The following SPPL2A variants were observed in gnomAD, a reference collection of about 807,000 sequenced individuals.
SPPL2A encodes the protein signal peptide peptidase-like 2A.
In SPPL2A, 51 loss-of-function variants were observed where a neutral mutation model predicts 63.8. The observed-to-expected ratio is 0.80, with a 90% CI of 0.64 to 1.01. The LOEUF (loss-of-function observed/expected upper bound fraction) is 1.01, where lower values mean the gene tolerates loss of function less well. Among genes scored for constraint, SPPL2A ranks in the 50% least tolerant of loss-of-function variants. The pLI, the probability that SPPL2A is intolerant of heterozygous loss-of-function variation, is 0.00. For missense variants in SPPL2A, 553 were observed against 622.7 expected (o/e 0.89, Z 1.19); for synonymous variants, 188 against 205.8 (o/e 0.91, Z 0.74).
At chr15:50,719,430 G>C (rs926624214) in intron 14 of SPPL2A, among the ~76,000 whole-genome samples, 3 of 151,994 alleles carry the variant, frequency 2.0e-5, no homozygotes, top group African/African-American at 7.2e-5. Context: ...ATTTTTAGTA[G>C]AGACGGGTTT....
At chr15:50,727,997 G>A (rs376298864) in intron 10 of SPPL2A, among the ~76,000 whole-genome samples, 3 of 152,274 alleles carry the variant, frequency 2.0e-5, no homozygotes, top group East Asian at 1.9e-4. Context: ...AAAGAAAGAA[G>A]GCTAAAAGAC....
At chr15:50,736,053 G>C (rs1251634954) in intron 8 of SPPL2A, 48 bp downstream of exon 8, 1 of 1,227,708 alleles carries the variant, frequency 8.1e-7, no homozygotes, top group East Asian at 2.3e-5. Context: ...GGCAAGATAG[G>C]AAACAATTCA....
At chr15:50,724,145 A>T (rs1419219598) in intron 12 of SPPL2A, among the ~76,000 whole-genome samples, 1 of 152,144 alleles carries the variant, frequency 6.6e-6, no homozygotes, top group Non-Finnish European at 1.5e-5. Flanking sequence ...CACTGAGCTA[A>T]CATGTCAACT....
intron 11 of SPPL2A, chr15:50,726,025 A>T (rs953146244): frequency 8.3e-7 from 1 of 1,207,492 alleles, no homozygotes; most frequent in South Asian, 1.3e-5. Context: ...CTTGTCTCAG[A>T]GGGTATGATT....
chr15:50,748,127 TA>T lies in SPPL2A; in HGVS notation c.435del (p.Phe145LeufsTer4). ...TGCTAATTTACCTGGTTCATATCTC[TA>T]AAGTCTTTGTAGCTTATAAATGCAA... ...ILIAFISYKD[F>X]RDMNQTLGDN... On this transcript the variant is annotated frameshift_variant, in exon 4 of 15. Coordinates refer to ENST00000261854, the MANE Select transcript of SPPL2A (RefSeq NM_032802.4). LOFTEE classifies it high-confidence loss of function. 1 of 1,440,360 alleles carries T rather than the reference TA, an allele frequency of 6.9e-7. No homozygotes were observed. The highest frequency in any genetic ancestry group is 9.4e-7 in the Non-Finnish European group (1 of 1,066,796). 89.2% of individuals were successfully genotyped at this position (1,440,360 alleles called of 1,614,324 possible). A position where few individuals can be genotyped will look rare whatever the true frequency, so the allele number is the denominator to read the frequency against.
intron 13 of SPPL2A, 114 bp downstream of exon 13, chr15:50,722,010 C>T (rs2062650888): frequency 1.6e-6 from 1 of 632,842 alleles, no homozygotes; most frequent in Non-Finnish European, 2.8e-6. Flanking sequence ...AGTGCTAGGA[C>T]TCCAGGGGTG....
chr15:50,719,369 C>G (rs1252572706), intron 14 of SPPL2A, among the ~76,000 whole-genome samples: 1 of 152,104 alleles, frequency 6.6e-6, no homozygotes, highest in Admixed American at 6.6e-5. Context: ...CTCAGCCTCC[C>G]AAGTAGCTGG....
At position 50,747,988 on chromosome 15, in the gene SPPL2A, G is replaced by C. The variant is rs193207446; in HGVS notation, c.450+125C>G. The C allele has an allele frequency of 3.8e-3, 1,790 of 474,032 alleles. 4 individuals are homozygous for C. The highest frequency in any genetic ancestry group is 5.6e-3 in the Non-Finnish European group (1,542 of 276,318). 29.4% of individuals were successfully genotyped at this position (474,032 alleles called of 1,614,324 possible). A position where few individuals can be genotyped will look rare whatever the true frequency, so the allele number is the denominator to read the frequency against. On this transcript the variant is annotated intron_variant, in intron 4 of 14. Transcript: ENST00000261854. ...ATGAGTACTTTCCAAACAAAAACTT[G>C]ATAGGCCTTATAGCTTCTTGTTAGC...
chr15:50,754,421 C>G (rs12904353), intron 1 of SPPL2A, among the ~76,000 whole-genome samples: 1 of 152,116 alleles, frequency 6.6e-6, no homozygotes, highest in South Asian at 2.1e-4. Context: ...AGTGCTCTAC[C>G]TACTTTCTTT....
intron 8 of SPPL2A, among the ~76,000 whole-genome samples, chr15:50,734,531 G>GTTACC (rs1358601491): frequency 6.6e-6 from 1 of 152,188 alleles, no homozygotes; most frequent in Admixed American, 6.5e-5. Context: ...AAAAAAGGTA[G>GTTACC]AGAGTGGGGG....
rs1365004884 is a variant in SPPL2A at position 50,739,209 on chromosome 15, G to A, written c.733+471C>T. Reference sequence around the variant, plus strand: ...TTTTTTTTTTTTAAGACGGAGTTTCGCTCTTGTTGCCCAGGCTGGAGTGCA... The same window carrying A: ...TTTTTTTTTTTTAAGACGGAGTTTCACTCTTGTTGCCCAGGCTGGAGTGCA... On this transcript the variant is annotated intron_variant, in intron 6 of 14. Coordinates refer to ENST00000261854, the MANE Select transcript of SPPL2A (RefSeq NM_032802.4). Among the ~76,000 whole-genome samples the A allele has an allele frequency of 3.2e-5, 4 of 125,430 alleles. No homozygotes were observed. In the South Asian group the frequency reaches 7.4e-4, roughly 23 times the overall value. 82.3% of individuals were successfully genotyped at this position (125,430 alleles called of 152,430 possible).
At chr15:50,761,279 A>G (rs62018814) in intron 1 of SPPL2A, among the ~76,000 whole-genome samples, 4,352 of 152,222 alleles carry the variant, frequency 0.029, 80 homozygotes, top group Middle Eastern at 0.1. Context: ...TAAAGACACT[A>G]TGAGGAAGAC....
At chr15:50,753,746 T>C (rs983994470) in intron 1 of SPPL2A, among the ~76,000 whole-genome samples, 1 of 152,108 alleles carries the variant, frequency 6.6e-6, no homozygotes, top group Non-Finnish European at 1.5e-5. Flanking sequence ...TGGGTCCTGG[T>C]GGGATGTGGA....
chr15:50,715,278 G>A (rs1368406956), intron 14 of SPPL2A, among the ~76,000 whole-genome samples: 1 of 152,116 alleles, frequency 6.6e-6, no homozygotes, highest in Admixed American at 6.6e-5. Flanking sequence ...GATTACAGGT[G>A]TGAGCCACCG....
Position 50,706,500 on chromosome 15 carries a change from T to C in SPPL2A, c.*1300A>G, listed in dbSNP as rs2062510814. The stretch of plus-strand genomic sequence containing the variant: ...TAAACTGAGACTAACACCAAGTCTC[T>C]TGCTGTTGTTGCCAATTCTTTTCTC... On this transcript the variant is annotated 3_prime_UTR_variant, in exon 15 of 15. Transcript: ENST00000261854. The C allele has an allele frequency of 6.6e-6, 1 of 151,984 alleles. No individual in the cohort carries two copies. The highest frequency in any genetic ancestry group is 2.4e-5 in the African/African-American group (1 of 41,388). The allele number at this position is 151,984 out of a possible 1,614,324, so 9.4% of individuals were successfully genotyped here. A position where few individuals can be genotyped will look rare whatever the true frequency, so the allele number is the denominator to read the frequency against.
chr15:50,762,365 C>G, intron 1 of SPPL2A, among the ~76,000 whole-genome samples: 1 of 109,992 alleles, frequency 9.1e-6, no homozygotes, highest in Admixed American at 8.6e-5. Context: ...AAGACTCCAT[C>G]TCAAAAAAAA....
intron 10 of SPPL2A, among the ~76,000 whole-genome samples, chr15:50,727,951 G>C (rs2062699265): frequency 6.6e-6 from 1 of 152,142 alleles, no homozygotes; most frequent in African/African-American, 2.4e-5. Context: ...TAGGAACTAA[G>C]ATAGAAATAG....
intron 8 of SPPL2A, among the ~76,000 whole-genome samples, chr15:50,734,570 A>G (rs773798544): frequency 4.6e-5 from 7 of 152,240 alleles, no homozygotes; most frequent in Non-Finnish European, 8.8e-5. Flanking sequence ...TAATGGGTGC[A>G]AAAATATAGC....
At chr15:50,763,877 G>A (rs1322097291) in intron 1 of SPPL2A, among the ~76,000 whole-genome samples, 2 of 152,038 alleles carry the variant, frequency 1.3e-5, no homozygotes, top group South Asian at 2.1e-4. Context: ...CAGCCTGGGC[G>A]ACAGAGTGAG....
Sources: allele counts gnomAD v4.1 joint callset (sites outside exome capture counted in the v4.1 genomes callset), GRCh38; gene constraint gnomAD v4.1.1; transcripts MANE v1.5; gene names NCBI Gene and HGNC (gene_info 2026-07-23, HGNC 2026-07-21).